SLC47A2: variants seen among roughly 807,000 people sequenced by gnomAD.
SLC47A2 encodes multidrug and toxin extrusion protein 2.
In SLC47A2, 52 loss-of-function variants were observed where a neutral mutation model predicts 67.7. That is an observed-to-expected ratio of 0.77 (90% confidence interval 0.61 to 0.97). SLC47A2 has a LOEUF of 0.97. Ranked by LOEUF, SLC47A2 falls within the 50% of genes least tolerant of loss-of-function variation. The probability of loss-of-function intolerance (pLI) is 0.00; values close to 1 mark genes in which losing one functional copy is unlikely to be tolerated. For synonymous variants in SLC47A2, 278 were observed against 292.9 expected (o/e 0.95, Z 0.52); for missense variants, 676 against 712.3 (o/e 0.95, Z 0.58).
intron 13 of SLC47A2, among the ~76,000 whole-genome samples, chr17:19,699,844 T>C (rs1272416338): frequency 6.6e-6 from 1 of 152,206 alleles, no homozygotes; most frequent in Non-Finnish European, 1.5e-5. Context: ...CTAAACAGCA[T>C]TATTGATGAT....
At chr17:19,701,881 C>T (rs1597618030) in intron 13 of SLC47A2, among the ~76,000 whole-genome samples, 2 of 152,088 alleles carry the variant, frequency 1.3e-5, no homozygotes. Flanking sequence ...CTCAGGCCAA[C>T]GTTGGAAGGC....
chr17:19,714,971 G>A, intron 2 of SLC47A2, 145 bp downstream of exon 2: 1 of 1,247,284 alleles, frequency 8.0e-7, no homozygotes, highest in South Asian at 1.2e-5. Context: ...CCGGCCCTCA[G>A]GTTCCACCTG....
At chr17:19,686,600 A>T (rs1283505095) in intron 13 of SLC47A2, among the ~76,000 whole-genome samples, 1 of 152,210 alleles carries the variant, frequency 6.6e-6, no homozygotes, top group Non-Finnish European at 1.5e-5. Context: ...AAATAAAGAG[A>T]TGGAAAAAGA....
chr17:19,702,063 C>T (rs527865889), intron 13 of SLC47A2: 191 of 915,578 alleles, frequency 2.1e-4, no homozygotes, highest in Admixed American at 4.3e-4. Flanking sequence ...GAGCCATGAT[C>T]GCACTGCTGC....
chr17:19,692,024 T>C (rs192019045), intron 13 of SLC47A2, among the ~76,000 whole-genome samples: 19 of 152,258 alleles, frequency 1.2e-4, no homozygotes, highest in Non-Finnish European at 2.6e-4. Flanking sequence ...GGTCAGGAAT[T>C]CGAGACCAGC....
chr17:19,704,583 A>G lies in SLC47A2; in HGVS notation c.910-405T>C, dbSNP rs548594721. The G allele has an allele frequency of 2.4e-5, 33 of 1,396,630 alleles. No homozygotes were observed. In the South Asian group the frequency reaches 3.4e-4, roughly 15 times the overall value. 86.5% of individuals were successfully genotyped at this position (1,396,630 alleles called of 1,614,324 possible). A position where few individuals can be genotyped will look rare whatever the true frequency, so the allele number is the denominator to read the frequency against. ...TGTAAAAATAAGAATCTCTAAATTGATTTTGTAATGTAGATTTTTGTGACT... is the reference window on the plus strand; with the variant it reads ...TGTAAAAATAAGAATCTCTAAATTGGTTTTGTAATGTAGATTTTTGTGACT... On this transcript the variant is annotated intron_variant, in intron 10 of 16. Coordinates refer to ENST00000433844, the MANE Select transcript of SLC47A2 (RefSeq NM_001099646.3).
intron 5 of SLC47A2, among the ~76,000 whole-genome samples, chr17:19,711,611 AAAAAAGAAAAG>A (rs2086101663): frequency 2.0e-5 from 3 of 150,428 alleles, no homozygotes; most frequent in Non-Finnish European, 4.4e-5. Flanking sequence ...AAAAAAAAAA[AAAAAAGAAAAG>A]AAAAAAGAAA....
intron 3 of SLC47A2, among the ~76,000 whole-genome samples, chr17:19,714,225 C>T (rs1438243732): frequency 6.6e-6 from 1 of 152,194 alleles, no homozygotes; most frequent in Non-Finnish European, 1.5e-5. Flanking sequence ...ATGTCAGCGG[C>T]AGGTTAAGTG....
At chr17:19,714,826 G>A (rs187156124) in intron 2 of SLC47A2, 37 bp from the exon 3 acceptor site, 1 of 1,613,470 alleles carries the variant, frequency 6.2e-7, no homozygotes, top group African/African-American at 1.3e-5. Context: ...GAGCTTGTCA[G>A]GTGAGGCCTG....
At chr17:19,694,210 A>T (rs2085607981) in intron 13 of SLC47A2, among the ~76,000 whole-genome samples, 1 of 152,210 alleles carries the variant, frequency 6.6e-6, no homozygotes, top group Non-Finnish European at 1.5e-5. Flanking sequence ...ATTGATCTAT[A>T]GATTCAACAC....
chr17:19,707,576 C>G (rs1307846803), intron 8 of SLC47A2, among the ~76,000 whole-genome samples, 170 bp downstream of exon 8: 1 of 152,128 alleles, frequency 6.6e-6, no homozygotes, highest in Non-Finnish European at 1.5e-5. Context: ...TGGAGGGACT[C>G]TGGGCCCTTG....
chr17:19,708,158 C>T, intron 7 of SLC47A2, 144 bp downstream of exon 7: 1 of 902,632 alleles, frequency 1.1e-6, no homozygotes, highest in Non-Finnish European at 1.7e-6. Context: ...CCCAAGGGAC[C>T]ATCAGGCCCC....
upstream of SLC47A2, chr17:19,716,655 C>G (rs2086277950): frequency 6.9e-7 from 1 of 1,443,552 alleles, no homozygotes; most frequent in Non-Finnish European, 9.1e-7. Flanking sequence ...GTCGGTACAG[C>G]CTGGCTGATG....
chr17:19,693,415 G>A (rs1043468315), intron 13 of SLC47A2, among the ~76,000 whole-genome samples: 1 of 151,962 alleles, frequency 6.6e-6, no homozygotes, highest in Non-Finnish European at 1.5e-5. Flanking sequence ...TGAATACTTC[G>A]AATACTTTCC....
chr17:19,716,663 A>C, upstream of SLC47A2: 1 of 1,430,458 alleles, frequency 7.0e-7, no homozygotes, highest in Non-Finnish European at 9.2e-7. Context: ...AGCCTGGCTG[A>C]TGAGTAAGGG....
intron 13 of SLC47A2, among the ~76,000 whole-genome samples, chr17:19,693,227 C>T (rs184383708): frequency 6.6e-6 from 1 of 152,098 alleles, no homozygotes; most frequent in Non-Finnish European, 1.5e-5. Flanking sequence ...ATGCAAAACA[C>T]CATATTAATA....
intron 13 of SLC47A2, among the ~76,000 whole-genome samples, chr17:19,682,595 C>T (rs555173831): frequency 6.6e-6 from 1 of 152,286 alleles, no homozygotes; most frequent in East Asian, 1.9e-4. Flanking sequence ...TTCTAAGGAC[C>T]CTTGTATTTA....
chr17:19,689,786 AATGGATATTCT>A (rs1345578262), intron 13 of SLC47A2, among the ~76,000 whole-genome samples: 18 of 152,164 alleles, frequency 1.2e-4, no homozygotes, highest in Admixed American at 1.2e-3. Context: ...ACACACAAAA[AATGGATATTCT>A]ATGTTCATGG....
In SLC47A2 at chr17:19,685,167, G is replaced by T. The variant is rs1429747931; in HGVS notation, c.1165-3497C>A. Among the ~76,000 whole-genome samples, 1 of 152,012 alleles carries T rather than the reference G, an allele frequency of 6.6e-6. No individual in the cohort carries two copies. The highest frequency in any genetic ancestry group is 2.4e-5 in the African/African-American group (1 of 41,414). Reference sequence around the variant, plus strand: ...AATGCTCAATGTTGCCCAGGCTGGAGTGCAGTGGCGTGATCTCGGCTTGCT... The same window carrying T: ...AATGCTCAATGTTGCCCAGGCTGGATTGCAGTGGCGTGATCTCGGCTTGCT... On this transcript the variant is annotated intron_variant, in intron 13 of 16. Transcript: ENST00000433844. The surrounding 1 kb of genome is among the most constrained non-coding windows in gnomAD (Gnocchi z 4.5).
Sources: gnomAD v4.1 joint callset for allele counts (sites outside exome capture counted in the v4.1 genomes callset) on GRCh38, gnomAD v4.1.1 for gene constraint, Gnocchi (gnomAD v3.1) non-coding constraint, MANE v1.5 for transcripts, NCBI Gene and HGNC (gene_info 2026-07-23, HGNC 2026-07-21) for gene names.